The following ARHGEF38 variants were observed in gnomAD, a reference collection of about 807,000 sequenced individuals.
The protein encoded by ARHGEF38 is Rho guanine nucleotide exchange factor 38, also known as Rho guanine nucleotide exchange factor (GEF) 38.
Under a neutral mutation model 79.9 loss-of-function variants are expected in ARHGEF38, and 79 were observed. The observed-to-expected ratio is 0.99, with a 90% CI of 0.82 to 1.19. The LOEUF (loss-of-function observed/expected upper bound fraction) is 1.19, where lower values mean the gene tolerates loss of function less well. ARHGEF38 is among the 50% of genes most tolerant of loss of function. The probability of loss-of-function intolerance (pLI) is 0.00; values close to 1 mark genes in which losing one functional copy is unlikely to be tolerated. For missense variants in ARHGEF38, 962 were observed against 907.2 expected, an observed-to-expected ratio of 1.06 and a Z score of -0.78; for synonymous variants, 366 against 328.3, an observed-to-expected ratio of 1.11 and a Z score of -1.24.
At chr4:105,610,952 G>T (rs1728269019) in intron 2 of ARHGEF38, among the ~76,000 whole-genome samples, 1 of 151,968 alleles carries the variant, frequency 6.6e-6, no homozygotes, top group Non-Finnish European at 1.5e-5. Context: ...AGATAGTAAA[G>T]TACTCTATTA....
intron 1 of ARHGEF38, among the ~76,000 whole-genome samples, chr4:105,582,462 T>C (rs1726844326): frequency 6.6e-6 from 1 of 152,138 alleles, no homozygotes; most frequent in African/African-American, 2.4e-5. Flanking sequence ...AACAGATATC[T>C]TCTATTCACT....
intron 4 of ARHGEF38, among the ~76,000 whole-genome samples, chr4:105,635,325 T>A (rs1729354112): frequency 6.6e-6 from 1 of 152,066 alleles, no homozygotes; most frequent in Non-Finnish European, 1.5e-5. Flanking sequence ...CTCCACAGAT[T>A]GTTGTTTTAT....
chr4:105,618,575 C>T (rs1199366914), intron 3 of ARHGEF38, among the ~76,000 whole-genome samples: 1 of 152,038 alleles, frequency 6.6e-6, no homozygotes, highest in African/African-American at 2.4e-5. Context: ...GAGCTGAGAT[C>T]GTGCCACTGC....
At chr4:105,656,639 A>G (rs1416574317) in intron 9 of ARHGEF38, among the ~76,000 whole-genome samples, 1 of 152,196 alleles carries the variant, frequency 6.6e-6, no homozygotes, top group African/African-American at 2.4e-5. Flanking sequence ...CAAGAATTAT[A>G]GAGAAGATAG....
Position 105,630,882 on chromosome 4 carries a change from G to T in ARHGEF38, c.509-16G>T. 6.3e-7 allele frequency: 1 copy of T among 1,593,016 alleles called. No individual in the cohort carries two copies. The highest frequency in any genetic ancestry group is 8.5e-7 in the Non-Finnish European group (1 of 1,171,944). ...TGTCTGATGATGTCATTTTGCCTTT[G>T]TTTTGCATTTATCAGGAGAAGTATT... On this transcript the variant is annotated splice_polypyrimidine_tract_variant and intron_variant, in intron 3 of 13. Coordinates refer to ENST00000420470, the MANE Select transcript of ARHGEF38 (RefSeq NM_001242729.2).
chr4:105,609,344 T>C (rs994547823), intron 2 of ARHGEF38, among the ~76,000 whole-genome samples: 2 of 152,064 alleles, frequency 1.3e-5, no homozygotes, highest in African/African-American at 2.4e-5. Context: ...TTCTGTTGCA[T>C]TGGTGTATGT....
rs114924733 is a variant in ARHGEF38, at chr4:105,680,012, A to C, written c.*2075A>C. ...AGTGCATTCTGTTTTGTGCGGATTC[A>C]TGGCCATGTCAGTTACATTCTTCTT... On this transcript the variant is annotated 3_prime_UTR_variant, in exon 14 of 14. Coordinates refer to ENST00000420470, the MANE Select transcript of ARHGEF38 (RefSeq NM_001242729.2). 1.4e-3 allele frequency: 1,398 copies of C among 1,034,030 alleles called. 12 individuals are homozygous for C. In the African/African-American group the frequency reaches 0.019, roughly 14 times the overall value. The allele number at this position is 1,034,030 out of a possible 1,614,324, so 64.1% of individuals were successfully genotyped here.
chr4:105,632,211 A>G (rs764908864), intron 4 of ARHGEF38, among the ~76,000 whole-genome samples: 4 of 152,158 alleles, frequency 2.6e-5, no homozygotes, highest in Non-Finnish European at 5.9e-5. Context: ...ATTGCCGTCT[A>G]CTGGTCATTA....
At position 105,561,479 on chromosome 4, in the gene ARHGEF38, A is replaced by AGAATGGAATG. The variant is rs1560684620; in HGVS notation, c.196+8522_196+8523insGGAATGGAAT. 65 of 53,372 alleles carry AGAATGGAATG rather than the reference A, an allele frequency of 1.2e-3. 7 individuals are homozygous for AGAATGGAATG. Among genetic ancestry groups the AGAATGGAATG allele is most frequent in the African/African-American group, 3.6e-3 (46 of 12,912 alleles). The allele number at this position is 53,372 out of a possible 1,614,324, so 3.3% of individuals were successfully genotyped here. A position where few individuals can be genotyped will look rare whatever the true frequency, so the allele number is the denominator to read the frequency against. On this transcript the variant is annotated intron_variant, in intron 1 of 13. Transcript: ENST00000420470. ...AGAATAGAATAGAATAGAATAGAAT[A>AGAATGGAATG]GAATAGAATAGAATAGAATAGAATA...
chr4:105,577,946 A>G (rs758783015), intron 1 of ARHGEF38, among the ~76,000 whole-genome samples: 4 of 150,446 alleles, frequency 2.7e-5, no homozygotes, highest in Non-Finnish European at 4.4e-5. Context: ...GATCTTTGTT[A>G]TTCCTCTTCT....
intron 3 of ARHGEF38, among the ~76,000 whole-genome samples, chr4:105,614,695 AAAG>A (rs1447271403): frequency 6.6e-6 from 1 of 152,186 alleles, no homozygotes; most frequent in Non-Finnish European, 1.5e-5. Context: ...ATATTTCCTA[AAAG>A]AAGAACTCTA....
chr4:105,612,224 A>G (rs1187132838), intron 2 of ARHGEF38, among the ~76,000 whole-genome samples: 2 of 152,082 alleles, frequency 1.3e-5, no homozygotes, highest in African/African-American at 4.8e-5. Context: ...AGTCTGAAAT[A>G]ATGGAAAAAA....
At chr4:105,629,856 T>C (rs897752443) in intron 3 of ARHGEF38, among the ~76,000 whole-genome samples, 6 of 152,174 alleles carry the variant, frequency 3.9e-5, no homozygotes, top group African/African-American at 1.4e-4. Flanking sequence ...CCTTTGTTCA[T>C]GGTATTAAAC....
At position 105,631,387 on chromosome 4, in the gene ARHGEF38, C is replaced by T. The variant is rs958268797; in HGVS notation, c.656+342C>T. 7.5e-5 allele frequency: 75 copies of T among 999,266 alleles called. No homozygotes were observed. In the African/African-American group the frequency reaches 1.0e-3, roughly 14 times the overall value. 61.9% of individuals were successfully genotyped at this position (999,266 alleles called of 1,614,324 possible). On this transcript the variant is annotated intron_variant, in intron 4 of 13. Transcript: ENST00000420470. ...AGTTCAAGGATTATGTGAGATAACACGTGGCCCCATGACCACTGGAGCACA... is the reference window on the plus strand; with the variant it reads ...AGTTCAAGGATTATGTGAGATAACATGTGGCCCCATGACCACTGGAGCACA...
downstream of ARHGEF38, chr4:105,682,476 TGAA>T: frequency 2.8e-6 from 1 of 356,216 alleles, no homozygotes; most frequent in Non-Finnish European, 5.1e-6. Flanking sequence ...TTCAATCTTC[TGAA>T]GATCTCATTG....
intron 1 of ARHGEF38, among the ~76,000 whole-genome samples, chr4:105,563,983 T>C (rs1313462502): frequency 6.6e-6 from 1 of 152,204 alleles, no homozygotes; most frequent in Non-Finnish European, 1.5e-5. Flanking sequence ...ATCTAGTCTT[T>C]GAAAACTCCT....
chr4:105,648,848 T>TTC (rs374420145), intron 7 of ARHGEF38, among the ~76,000 whole-genome samples, 166 bp downstream of exon 7: 157 of 108,624 alleles, frequency 1.4e-3, no homozygotes, highest in Admixed American at 2.8e-3. Context: ...CTCTCTCTCT[T>TTC]TCTCTCTCTC....
rs150437901 is a variant in ARHGEF38 at position 105,657,051 on chromosome 4, T to TGATA, written c.1233+1351_1233+1354dup. On this transcript the variant is annotated intron_variant, in intron 9 of 13. Coordinates refer to ENST00000420470, the MANE Select transcript of ARHGEF38 (RefSeq NM_001242729.2). ...GATGATAGATAGATAGATAGATAGATGATAGATAGATAGATAGATAGATAG... is the reference window on the plus strand; with the variant it reads ...GATGATAGATAGATAGATAGATAGATGATAGATAGATAGATAGATAGATAGATAG... Among the ~76,000 whole-genome samples, 1,037 of 151,190 alleles carry TGATA rather than the reference T, an allele frequency of 6.9e-3. 6 individuals carry two copies. The highest frequency in any genetic ancestry group is 0.014 in the East Asian group (70 of 5,156).
chr4:105,628,995 T>C (rs1739357981), intron 3 of ARHGEF38, among the ~76,000 whole-genome samples: 1 of 152,126 alleles, frequency 6.6e-6, no homozygotes, highest in Non-Finnish European at 1.5e-5. Context: ...TGAATCTCAA[T>C]GGCTACTATT....
Sources: gnomAD v4.1 joint callset for allele counts (sites outside exome capture counted in the v4.1 genomes callset) on GRCh38, gnomAD v4.1.1 for gene constraint, MANE v1.5 for transcripts, NCBI Gene and HGNC (gene_info 2026-07-23, HGNC 2026-07-21) for gene names.